SLC39A11: variants seen among roughly 807,000 people sequenced by gnomAD.
SLC39A11 encodes zinc transporter ZIP11.
A neutral mutation model predicts 36.1 loss-of-function variants in SLC39A11; 33 were observed. The ratio of observed to expected loss-of-function variants is 0.91; its 90% CI spans 0.69 to 1.22. The LOEUF (loss-of-function observed/expected upper bound fraction) is 1.22. Among genes scored for constraint, SLC39A11 ranks in the 50% most tolerant of loss-of-function variants. The probability of loss-of-function intolerance (pLI) is 0.00; values close to 1 mark genes in which losing one functional copy is unlikely to be tolerated. For synonymous variants in SLC39A11, 166 were observed against 170.3 expected (o/e 0.97, Z 0.20); for missense variants, 432 against 430.3 (o/e 1.00, Z -0.03).
chr17:73,080,000 T>A (rs117930582), intron 3 of SLC39A11, among the ~76,000 whole-genome samples: 1 of 152,132 alleles, frequency 6.6e-6, no homozygotes, highest in African/African-American at 2.4e-5. Flanking sequence ...CACAAACACA[T>A]GGAAACACCT....
At chr17:72,786,768 G>A (rs527622700) in intron 6 of SLC39A11, among the ~76,000 whole-genome samples, 16 of 152,266 alleles carry the variant, frequency 1.1e-4, no homozygotes, top group African/African-American at 3.9e-4. Context: ...GAGAGATGCT[G>A]AGGACTGGGG....
intron 6 of SLC39A11, among the ~76,000 whole-genome samples, chr17:72,804,598 G>A (rs1389242823): frequency 6.6e-6 from 1 of 152,204 alleles, no homozygotes; most frequent in Non-Finnish European, 1.5e-5. Flanking sequence ...AGGCAGAGTG[G>A]TATAGTAAGC....
intron 7 of SLC39A11, among the ~76,000 whole-genome samples, chr17:72,680,706 C>A (rs991752267): frequency 6.6e-6 from 1 of 152,194 alleles, no homozygotes; most frequent in Admixed American, 6.5e-5. Context: ...TAAAACTACA[C>A]GCATGTGGCC....
At chr17:72,700,549 C>T (rs2072560176) in intron 7 of SLC39A11, among the ~76,000 whole-genome samples, 1 of 152,242 alleles carries the variant, frequency 6.6e-6, no homozygotes, top group Non-Finnish European at 1.5e-5. Flanking sequence ...GCCCTGCCCC[C>T]AGGGTCCCCA....
chr17:72,822,182 A>G (rs1243477276), intron 6 of SLC39A11, among the ~76,000 whole-genome samples: 1 of 150,674 alleles, frequency 6.6e-6, no homozygotes, highest in Non-Finnish European at 1.5e-5. Context: ...GAGTACTCAT[A>G]TATGTACTAC....
intron 7 of SLC39A11, among the ~76,000 whole-genome samples, chr17:72,651,717 G>A (rs55880522): frequency 0.13 from 19,015 of 152,098 alleles, 1,440 homozygotes; most frequent in Non-Finnish European, 0.17. Context: ...GATAGCATCC[G>A]AAAACTGATC....
At chr17:72,669,911 T>C (rs1196900498) in intron 7 of SLC39A11, among the ~76,000 whole-genome samples, 1 of 150,260 alleles carries the variant, frequency 6.7e-6, no homozygotes, top group African/African-American at 2.5e-5. Flanking sequence ...TATATATACG[T>C]ATAGATGTAT....
rs1397984917 is a variant in SLC39A11, at chr17:72,922,925, G to A, written c.430+24827C>T. On this transcript the variant is annotated intron_variant, in intron 5 of 9. Coordinates refer to ENST00000255559, the MANE Select transcript of SLC39A11 (RefSeq NM_139177.4). ...GGAGGTTGCAGTGAGCTGAGAGTGC[G>A]CCACCAGCCTGGGTGATAGAGTGGG... 6.5e-5 allele frequency among the ~76,000 whole-genome samples: 8 copies of A among 123,414 alleles called. No homozygotes were observed. The East Asian group carries it at 1.1e-3, about 16-fold the overall frequency. 81.0% of individuals were successfully genotyped at this position (123,414 alleles called of 152,430 possible).
At chr17:72,893,461 G>GAA (rs1040604801) in intron 5 of SLC39A11, among the ~76,000 whole-genome samples, 2 of 150,930 alleles carry the variant, frequency 1.3e-5, no homozygotes, top group African/African-American at 4.9e-5. Flanking sequence ...CTGTCTCAGG[G>GAA]AAAAAAAATA....
chr17:72,680,513 C>T (rs1038249838), intron 7 of SLC39A11, among the ~76,000 whole-genome samples: 11 of 152,134 alleles, frequency 7.2e-5, no homozygotes, highest in South Asian at 4.2e-4. Context: ...GCAGTTTCCC[C>T]ACACACACTC....
chr17:72,935,650 C>G (rs2084695528), intron 5 of SLC39A11, among the ~76,000 whole-genome samples: 1 of 152,222 alleles, frequency 6.6e-6, no homozygotes, highest in African/African-American at 2.4e-5. Flanking sequence ...GATCTTGGCT[C>G]ACTGCTGCCT....
chr17:73,055,444 T>TC (rs925903162), intron 3 of SLC39A11, among the ~76,000 whole-genome samples: 4 of 151,972 alleles, frequency 2.6e-5, no homozygotes, highest in African/African-American at 9.7e-5. Context: ...TTTTCTTTTT[T>TC]TTTTTTAGAG....
chr17:72,963,300 A>G (rs866506072), intron 4 of SLC39A11, among the ~76,000 whole-genome samples: 8 of 149,824 alleles, frequency 5.3e-5, no homozygotes, highest in African/African-American at 2.0e-4. Context: ...CCTCCAGAGT[A>G]GCTGGGACTA....
In SLC39A11 at chr17:72,736,737, A is replaced by C; in HGVS notation, c.602-18T>G. On this transcript the variant is annotated intron_variant, in intron 6 of 9. Transcript: ENST00000255559. Reference sequence around the variant, plus strand: ...GAGACCCTCTGAAATAGATGTAAGAAAAGCAAGAGGGGTTAGGAATATTTC... The same window carrying C: ...GAGACCCTCTGAAATAGATGTAAGACAAGCAAGAGGGGTTAGGAATATTTC... 6.2e-7 allele frequency: 1 copy of C among 1,603,168 alleles called. No individual in the cohort carries two copies. Among genetic ancestry groups the C allele is most frequent in the East Asian group, 2.2e-5 (1 of 44,812 alleles).
intron 7 of SLC39A11, among the ~76,000 whole-genome samples, chr17:72,731,426 T>C (rs2074210659): frequency 6.6e-6 from 1 of 152,192 alleles, no homozygotes; most frequent in Admixed American, 6.5e-5. Flanking sequence ...GGGAGGTGAT[T>C]TGATCATGGG....
chr17:72,905,554 A>G (rs1410624190), intron 5 of SLC39A11, among the ~76,000 whole-genome samples: 1 of 151,772 alleles, frequency 6.6e-6, no homozygotes, highest in Non-Finnish European at 1.5e-5. Flanking sequence ...CCAAGATCTC[A>G]CCACTGCACT....
intron 6 of SLC39A11, among the ~76,000 whole-genome samples, chr17:72,810,084 C>CAAAAAAAAAAAAAAAAAAAAAAA: frequency 7.3e-6 from 1 of 136,712 alleles, no homozygotes; most frequent in Non-Finnish European, 1.6e-5. Flanking sequence ...ACAAAAACAA[C>CAAAAAAAAAAAAAAAAAAAAAAA]AAAAAAAAAA....
intron 6 of SLC39A11, among the ~76,000 whole-genome samples, chr17:72,835,025 T>C (rs8079297): frequency 0.48 from 73,120 of 152,128 alleles, 18,903 homozygotes; most frequent in East Asian, 0.74. Flanking sequence ...CCCAGAGTTG[T>C]GATTTTGCCC....
chr17:72,735,650 G>A (rs984847608), intron 7 of SLC39A11, among the ~76,000 whole-genome samples: 2 of 152,188 alleles, frequency 1.3e-5, no homozygotes, highest in Admixed American at 1.3e-4. Flanking sequence ...GTTCCCAGCT[G>A]TCTTCACCTG....
Sources: gnomAD v4.1 joint callset for allele counts (sites outside exome capture counted in the v4.1 genomes callset) on GRCh38, gnomAD v4.1.1 for gene constraint, MANE v1.5 for transcripts, NCBI Gene and HGNC (gene_info 2026-07-23, HGNC 2026-07-21) for gene names.